The following EFHC1 variants were observed in gnomAD, a reference collection of about 807,000 sequenced individuals.
EFHC1 encodes EF-hand domain containing 1.
Under a neutral mutation model 69.9 loss-of-function variants are expected in EFHC1, and 53 were observed. The ratio of observed to expected loss-of-function variants is 0.76; its 90% CI spans 0.61 to 0.95. The LOEUF is 0.95. Ranked by LOEUF, EFHC1 falls within the 40% of genes least tolerant of loss-of-function variation. The pLI, the probability that EFHC1 is intolerant of heterozygous loss-of-function variation, is 0.00. For missense variants in EFHC1, 739 were observed against 798.7 expected (o/e 0.93, Z 0.90); for synonymous variants, 256 against 278.4 (o/e 0.92, Z 0.80).
At chr6:52,480,996 A>G (rs748902379) in intron 9 of EFHC1, among the ~76,000 whole-genome samples, 9 of 152,324 alleles carry the variant, frequency 5.9e-5, no homozygotes, top group Non-Finnish European at 1.2e-4. Context: ...GATTTGACAT[A>G]TATTTTAAAA....
intron 7 of EFHC1, among the ~76,000 whole-genome samples, chr6:52,474,721 T>C (rs1036648664): frequency 6.6e-6 from 1 of 152,200 alleles, no homozygotes; most frequent in Non-Finnish European, 1.5e-5. Context: ...AAACATAATT[T>C]TGAATGTAAG....
chr6:52,442,882 CA>C (rs751132144), intron 3 of EFHC1, among the ~76,000 whole-genome samples: 71 of 152,204 alleles, frequency 4.7e-4, no homozygotes, highest in Non-Finnish European at 8.8e-4. Flanking sequence ...CTGTCTTCCA[CA>C]ATGGTTGAAT....
intron 9 of EFHC1, 85 bp from the exon 10 acceptor site, chr6:52,490,055 T>G: frequency 7.1e-6 from 9 of 1,267,700 alleles, no homozygotes; most frequent in Non-Finnish European, 1.0e-5. Flanking sequence ...CTTCCCTGAT[T>G]TCATCAAGTA....
rs1331072246 is a variant in EFHC1 at position 52,493,372 on chromosome 6, A to C, written c.*1031A>C. 1.7e-4 allele frequency: 34 copies of C among 198,492 alleles called. 1 individual carries two copies. The highest frequency in any genetic ancestry group is 8.0e-4 in the African/African-American group (30 of 37,622). 12.3% of individuals were successfully genotyped at this position (198,492 alleles called of 1,614,324 possible). A position where few individuals can be genotyped will look rare whatever the true frequency, so the allele number is the denominator to read the frequency against. ...TCTCTTTCTCTCTCTCTACATATAT[A>C]TATATATATATATTTTATATGTACA... is the stretch of plus-strand genomic sequence containing the variant. On this transcript the variant is annotated 3_prime_UTR_variant, in exon 11 of 11. Coordinates refer to ENST00000371068, the MANE Select transcript of EFHC1 (RefSeq NM_018100.4).
In EFHC1 at chr6:52,465,036, G is replaced by C. The variant is rs377732929; in HGVS notation, c.1058G>C (p.Arg353Pro). The C allele has an allele frequency of 1.9e-6, 3 of 1,614,022 alleles. No homozygotes were observed. In the South Asian group the frequency reaches 3.3e-5, roughly 18 times the overall value. ...TATGATTGTGATCCATTTACTCGAC[G>C]GTATTACAAAGAGAAGTTTGGAATC... ...FIYDCDPFTR[R>P]YYKEKFGITD... The change falls in exon 6 of 11, where the codon CGG becomes CCG. Residue 353 changes from arginine (R) to proline (P), a missense_variant. Coordinates refer to ENST00000371068, the MANE Select transcript of EFHC1 (RefSeq NM_018100.4).
At chr6:52,422,729 ACT>A (rs1456860340) in intron 1 of EFHC1, among the ~76,000 whole-genome samples, 1 of 152,126 alleles carries the variant, frequency 6.6e-6, no homozygotes, top group African/African-American at 2.4e-5. Context: ...TTGCCTTTCT[ACT>A]CTTTTTTATT....
In EFHC1 at chr6:52,493,897, C is replaced by T. The variant is rs1041120327; in HGVS notation, c.*1556C>T. 133 of 453,994 alleles carry T rather than the reference C, an allele frequency of 2.9e-4. No homozygotes were observed. The highest frequency in any genetic ancestry group is 6.8e-4 in the Middle Eastern group (1 of 1,466). The allele number at this position is 453,994 out of a possible 1,614,324, so 28.1% of individuals were successfully genotyped here. A position where few individuals can be genotyped will look rare whatever the true frequency, so the allele number is the denominator to read the frequency against. On this transcript the variant is annotated 3_prime_UTR_variant, in exon 11 of 11. Transcript: ENST00000371068. ...TACACAGAATTCAGACTGCTTTGCCCTCTCAGAACTTCTAGGGAACTTCCC... is the reference window on the plus strand; with the variant it reads ...TACACAGAATTCAGACTGCTTTGCCTTCTCAGAACTTCTAGGGAACTTCCC...
chr6:52,420,567 A>G, intron 1 of EFHC1, 94 bp downstream of exon 1: 1 of 1,453,282 alleles, frequency 6.9e-7, no homozygotes, highest in South Asian at 1.2e-5. Flanking sequence ...CCTCCACTCA[A>G]GTCTGTCTTC....
intron 9 of EFHC1, chr6:52,483,100 C>T (rs984497127): frequency 2.7e-6 from 1 of 370,708 alleles, no homozygotes; most frequent in African/African-American, 2.1e-5. Context: ...ATGTAATTGT[C>T]ACTGATTGTG....
chr6:52,479,708 G>C lies in EFHC1; in HGVS notation c.1561G>C (p.Ala521Pro), dbSNP rs1256495568. ...YVLKYMESNA[A>P]QYSPEALASI... ...TTTGAAATACATGGAGAGCAACGCTGCCCAGTATTCACCAGAAGCACTCGC... is the reference window on the plus strand; with the variant it reads ...TTTGAAATACATGGAGAGCAACGCTCCCCAGTATTCACCAGAAGCACTCGC... Residue 521 changes from alanine to proline, a missense_variant, in exon 9 of 11, where the codon GCC becomes CCC. By Grantham distance (27) the Ala-to-Pro change is conservative. Coordinates refer to ENST00000371068, the MANE Select transcript of EFHC1 (RefSeq NM_018100.4). The C allele has an allele frequency of 3.1e-6, 5 of 1,614,198 alleles. No individual in the cohort carries two copies. Among genetic ancestry groups the C allele is most frequent in the Non-Finnish European group, 4.2e-6 (5 of 1,180,028 alleles).
At chr6:52,491,629 C>T (rs888777568) in intron 10 of EFHC1, among the ~76,000 whole-genome samples, 10 of 152,220 alleles carry the variant, frequency 6.6e-5, no homozygotes, top group African/African-American at 2.4e-4. Flanking sequence ...ACAATTACTA[C>T]TGTTACTACT....
chr6:52,422,034 C>T (rs1172521172), intron 1 of EFHC1, among the ~76,000 whole-genome samples: 3 of 152,130 alleles, frequency 2.0e-5, no homozygotes, highest in Non-Finnish European at 2.9e-5. Context: ...TGAAAAGCAT[C>T]GTCAGTATAT....
In EFHC1 at chr6:52,439,435, C is replaced by G. The variant is rs76826595; in HGVS notation, c.573+844C>G. ...TTGCATGCCTGCTTTGTTCCATGCA[C>G]TGTTCTAGGTGCCAGATGTTTTCAG... On this transcript the variant is annotated intron_variant, in intron 3 of 10. Transcript: ENST00000371068. Among the ~76,000 whole-genome samples, 429 of 152,246 alleles carry G rather than the reference C, an allele frequency of 2.8e-3. 2 individuals carry two copies. The highest frequency in any genetic ancestry group is 9.6e-3 in the African/African-American group (399 of 41,554).
intron 3 of EFHC1, among the ~76,000 whole-genome samples, chr6:52,444,221 A>G (rs1044451333): frequency 6.6e-5 from 10 of 152,208 alleles, no homozygotes; most frequent in African/African-American, 2.2e-4. Context: ...ATATACAATC[A>G]TGTCATCTGC....
At chr6:52,459,167 A>G (rs539807128) in intron 5 of EFHC1, among the ~76,000 whole-genome samples, 1 of 152,206 alleles carries the variant, frequency 6.6e-6, no homozygotes, top group Non-Finnish European at 1.5e-5. Flanking sequence ...CTTCAGCATC[A>G]TGCAATATAC....
At position 52,420,442 on chromosome 6, in the gene EFHC1, T is replaced by TTCTTC; in HGVS notation, c.33_37dup (p.Pro13LeufsTer21). The TTCTTC allele has an allele frequency of 6.2e-7, 1 of 1,614,190 alleles. No individual in the cohort carries two copies. The highest frequency in any genetic ancestry group is 2.2e-5 in the East Asian group (1 of 44,884). The stretch of plus-strand genomic sequence containing the variant: ...TCCAATCCCGTGCATGGCTTGCCCT[T>TTCTTC]TCTTCCGGGCACGTCCTTTAAGGAC... On this transcript the variant is annotated frameshift_variant, in exon 1 of 11. Coordinates refer to ENST00000371068, the MANE Select transcript of EFHC1 (RefSeq NM_018100.4). LOFTEE classifies it high-confidence loss of function.
chr6:52,469,148 T>A, intron 6 of EFHC1, 185 bp from the exon 7 acceptor site: 1 of 700,044 alleles, frequency 1.4e-6, no homozygotes, highest in Non-Finnish European at 2.3e-6. Context: ...TCAGTGAACA[T>A]GATGCAAAAT....
intron 1 of EFHC1, chr6:52,423,579 G>T: frequency 2.1e-6 from 1 of 474,090 alleles, no homozygotes; most frequent in Non-Finnish European, 3.7e-6. Flanking sequence ...ATAGCTTATT[G>T]CAGCTTGGAC....
At chr6:52,469,528 A>T (rs1198826754) in intron 7 of EFHC1, 55 bp downstream of exon 7, 2 of 1,605,726 alleles carry the variant, frequency 1.2e-6, no homozygotes, top group Admixed American at 3.3e-5. Flanking sequence ...ACTGTGTACA[A>T]TTGTTTATTT....
Sources: allele counts gnomAD v4.1 joint callset (sites outside exome capture counted in the v4.1 genomes callset), GRCh38; gene constraint gnomAD v4.1.1; transcripts MANE v1.5; gene names NCBI Gene and HGNC (gene_info 2026-07-23, HGNC 2026-07-21).